ANXA4: variants seen among roughly 807,000 people sequenced by gnomAD.
ANXA4 encodes the protein annexin A4, also known as 35-beta calcimedin.
In ANXA4, 39 loss-of-function variants were observed where a neutral mutation model predicts 49.8. The ratio of observed to expected loss-of-function variants is 0.78; its 90% CI spans 0.61 to 1.02. The LOEUF (loss-of-function observed/expected upper bound fraction) is 1.02. Ranked by LOEUF, ANXA4 falls within the 50% of genes least tolerant of loss-of-function variation. The probability of loss-of-function intolerance (pLI) is 0.00; values close to 1 mark genes in which losing one functional copy is unlikely to be tolerated. For missense variants in ANXA4, 360 were observed against 410.1 expected (o/e 0.88, Z 1.05); for synonymous variants, 134 against 152.5 (o/e 0.88, Z 0.89).
chr2:69,820,860 G>GA, intron 12 of ANXA4, 39 bp downstream of exon 12: 1 of 1,605,886 alleles, frequency 6.2e-7, no homozygotes, highest in East Asian at 2.2e-5. Flanking sequence ...AAAGGATCCA[G>GA]AAAAGGACCC....
intron 2 of ANXA4, among the ~76,000 whole-genome samples, chr2:69,784,373 C>T (rs1004718355): frequency 6.6e-6 from 1 of 152,200 alleles, no homozygotes; most frequent in African/African-American, 2.4e-5. Flanking sequence ...CCCACAGCAA[C>T]GCAGTTTGCT....
chr2:69,706,092 G>A (rs1678485389), intron 2 of ANXA4, among the ~76,000 whole-genome samples: 2 of 151,826 alleles, frequency 1.3e-5, no homozygotes, highest in East Asian at 3.9e-4. Context: ...GGAAATTAAA[G>A]TATGATGCTG....
At chr2:69,754,126 G>C (rs1318688943) in intron 1 of ANXA4, among the ~76,000 whole-genome samples, 1 of 152,222 alleles carries the variant, frequency 6.6e-6, no homozygotes, top group Non-Finnish European at 1.5e-5. Flanking sequence ...GGATGGTTTT[G>C]AGAACTCTGC....
intron 4 of ANXA4, 107 bp from the exon 5 acceptor site, chr2:69,806,278 C>A (rs1573295736): frequency 1.4e-6 from 1 of 702,520 alleles, no homozygotes; most frequent in Non-Finnish European, 2.5e-6. Context: ...GACTTGCAGG[C>A]CCCTTGAAAG....
intron 1 of ANXA4, among the ~76,000 whole-genome samples, chr2:69,756,177 G>A (rs981009375): frequency 1.4e-4 from 22 of 152,192 alleles, no homozygotes; most frequent in African/African-American, 5.3e-4. Context: ...GGTTAGGGTT[G>A]GTGTAAGTTT....
intron 2 of ANXA4, among the ~76,000 whole-genome samples, chr2:69,690,130 C>A (rs555259392): frequency 6.6e-6 from 1 of 152,160 alleles, no homozygotes; most frequent in Non-Finnish European, 1.5e-5. Context: ...ATGTTAAACA[C>A]ATTTAATCAA....
intron 1 of ANXA4, among the ~76,000 whole-genome samples, chr2:69,757,238 T>TTATATATATATA (rs869068494): frequency 3.4e-5 from 2 of 59,060 alleles, no homozygotes; most frequent in African/African-American, 1.3e-4. Context: ...CATTTTTGTT[T>TTATATATATATA]TATATATATA....
chr2:69,794,218 T>C (rs1672821630), intron 3 of ANXA4, among the ~76,000 whole-genome samples: 1 of 152,214 alleles, frequency 6.6e-6, no homozygotes, highest in Non-Finnish European at 1.5e-5. Context: ...AGCCAGAGAC[T>C]TTCCTTAGAG....
intron 1 of ANXA4, among the ~76,000 whole-genome samples, chr2:69,765,859 C>T (rs2105539941): frequency 6.6e-6 from 1 of 152,230 alleles, no homozygotes; most frequent in Admixed American, 6.5e-5. Flanking sequence ...AGGGCCCTTC[C>T]TAGCAATGAG....
intron 3 of ANXA4, among the ~76,000 whole-genome samples, chr2:69,728,967 A>T (rs1670031405): frequency 6.6e-6 from 1 of 152,176 alleles, no homozygotes; most frequent in Non-Finnish European, 1.5e-5. Flanking sequence ...TATTTACCAT[A>T]TTAAATCATA....
chr2:69,815,704 C>G (rs1673957853), intron 8 of ANXA4: 1 of 190,284 alleles, frequency 5.3e-6, no homozygotes. Flanking sequence ...CCTGTAGCCG[C>G]TGGGTACTTG....
Position 69,788,086 on chromosome 2 carries a change from A to T in ANXA4, c.42A>T (p.Ser14=). 6.2e-7 allele frequency: 1 copy of T among 1,614,084 alleles called. No homozygotes were observed. ...AAGGAGGTACTGTCAAAGCTGCTTC[A>T]GGATTCAATGCCATGGAAGATGCCC... The part of the protein sequence containing the change: ...ATKGGTVKAA[S]GFNAMEDAQT... Residue 14 remains serine, a synonymous_variant, in exon 3 of 13, where the codon TCA becomes TCT. Coordinates refer to ENST00000394295, the MANE Select transcript of ANXA4 (RefSeq NM_001153.5).
chr2:69,807,812 C>G, intron 5 of ANXA4, 94 bp from the exon 6 acceptor site: 1 of 1,058,534 alleles, frequency 9.4e-7, no homozygotes, highest in Non-Finnish European at 1.4e-6. Context: ...TGTCTTTATT[C>G]TCTGCAGATT....
chr2:69,821,754 G>A (rs184763649), intron 12 of ANXA4, among the ~76,000 whole-genome samples: 1 of 152,230 alleles, frequency 6.6e-6, no homozygotes, highest in African/African-American at 2.4e-5. Flanking sequence ...GCCCCACCAA[G>A]CTGTGGATTT....
chr2:69,800,102 C>T (rs556343766), intron 3 of ANXA4, among the ~76,000 whole-genome samples: 4 of 152,308 alleles, frequency 2.6e-5, no homozygotes, highest in African/African-American at 9.6e-5. Context: ...ATTCCTAGAA[C>T]ACTTTCCTTT....
At chr2:69,686,976 T>C (rs1475589381) in intron 2 of ANXA4, among the ~76,000 whole-genome samples, 6 of 152,144 alleles carry the variant, frequency 3.9e-5, no homozygotes, top group Admixed American at 3.9e-4. Flanking sequence ...AGTCACACTT[T>C]CCTGAGATCA....
intron 1 of ANXA4, among the ~76,000 whole-genome samples, chr2:69,651,092 T>C (rs1676213614): frequency 6.6e-6 from 1 of 152,252 alleles, no homozygotes; most frequent in Non-Finnish European, 1.5e-5. Context: ...CTTCCATTTT[T>C]CCATTGGAGC....
chr2:69,814,826 G>T (rs2103865922), intron 8 of ANXA4: 1 of 150,882 alleles, frequency 6.6e-6, no homozygotes, highest in Non-Finnish European at 1.4e-5. Context: ...AGTTGGGCAA[G>T]TACCAGGATC....
At chr2:69,778,430 C>T (rs1345389716) in intron 1 of ANXA4, among the ~76,000 whole-genome samples, 5 of 152,186 alleles carry the variant, frequency 3.3e-5, no homozygotes, top group African/African-American at 7.2e-5. Context: ...GTCACCAAGT[C>T]AACTGTCTCT....
Sources: gnomAD v4.1 joint callset for allele counts (sites outside exome capture counted in the v4.1 genomes callset) on GRCh38, gnomAD v4.1.1 for gene constraint, MANE v1.5 for transcripts, NCBI Gene and HGNC (gene_info 2026-07-23, HGNC 2026-07-21) for gene names.